Variants in ZNF649 observed in about 807,000 individuals in gnomAD.
ZNF649 encodes the protein zinc finger protein 649.
ZNF649 carries 7 observed loss-of-function variants against 14.1 expected under a neutral mutation model. The ratio of observed to expected loss-of-function variants is 0.49; its 90% CI spans 0.28 to 0.93. The LOEUF (loss-of-function observed/expected upper bound fraction) is 0.93, where lower values mean the gene tolerates loss of function less well. ZNF649 is among the 40% of genes least tolerant of loss of function. ZNF649 has a pLI of 0.10. For missense variants in ZNF649, 544 were observed against 608.1 expected (o/e 0.89, Z 1.11); for synonymous variants, 227 against 212.3 (o/e 1.07, Z -0.60).
At chr19:51,902,930 C>A (rs73934697) in intron 1 of ZNF649, among the ~76,000 whole-genome samples, 6,387 of 151,904 alleles carry the variant, frequency 0.042, 366 homozygotes, top group African/African-American at 0.13. Context: ...CCTACTAGAG[C>A]GATGTGAAAA....
rs112179801 is a variant in ZNF649 at position 51,894,974 on chromosome 19, A to G, written c.238+1498T>C. Among the ~76,000 whole-genome samples, 1,052 of 152,344 alleles carry G rather than the reference A, an allele frequency of 6.9e-3. 14 individuals are homozygous for G. Among genetic ancestry groups the G allele is most frequent in the African/African-American group, 0.024 (1,002 of 41,572 alleles). On this transcript the variant is annotated intron_variant, in intron 4 of 4. Transcript: ENST00000354957. ...AAGATCTAGCCTTTAAGAAATGCTT[A>G]ATAGATGGAAAAGTATGACCTCTCT...
intron 4 of ZNF649, among the ~76,000 whole-genome samples, chr19:51,892,598 G>A (rs62107509): frequency 9.9e-5 from 15 of 152,108 alleles, no homozygotes; most frequent in Non-Finnish European, 2.1e-4. Flanking sequence ...ATCCCAGAAA[G>A]GCAAGTTAGA....
chr19:51,897,791 T>C (rs1389558707), intron 2 of ZNF649, among the ~76,000 whole-genome samples: 5 of 152,162 alleles, frequency 3.3e-5, no homozygotes, highest in Non-Finnish European at 7.3e-5. Context: ...GTTTTCACAC[T>C]ATGTGTACTA....
At chr19:51,892,983 A>G (rs373027357) in intron 4 of ZNF649, among the ~76,000 whole-genome samples, 8 of 152,146 alleles carry the variant, frequency 5.3e-5, no homozygotes, top group African/African-American at 1.9e-4. Context: ...TGGGACAAGC[A>G]ATATTGAAAC....
chr19:51,901,124 C>T (rs1474015844), intron 1 of ZNF649, among the ~76,000 whole-genome samples: 2 of 152,120 alleles, frequency 1.3e-5, no homozygotes, highest in South Asian at 2.1e-4. Flanking sequence ...ATGCTATAGA[C>T]CAAGGAAGTT....
intron 4 of ZNF649, among the ~76,000 whole-genome samples, chr19:51,894,011 G>A (rs1358517330): frequency 6.6e-6 from 1 of 152,252 alleles, no homozygotes; most frequent in East Asian, 1.9e-4. Flanking sequence ...ATTCACAGCA[G>A]GAGCTGAACA....
rs2085018103 is a variant in ZNF649, at chr19:51,891,006, G to A, written c.1130C>T (p.Pro377Leu). 6.2e-7 allele frequency: 1 copy of A among 1,614,126 alleles called. No individual in the cohort carries two copies. The highest frequency in any genetic ancestry group is 1.3e-5 in the African/African-American group (1 of 75,024). Residue 377 changes from proline (P) to leucine (L), a missense_variant, in exon 5 of 5, where the codon CCT becomes CTT. Physicochemically the swap from Pro to Leu is moderately conservative, Grantham distance 98 (BLOSUM62 -3). Transcript: ENST00000354957. The surrounding 1 kb of genome is among the most constrained non-coding windows in gnomAD (Gnocchi z 4.2). ...CTGTGAACAGGGTTGCCCACATTCA[G>A]GACATACAAAGGGAGTCTTTCCTGT... Reference protein sequence around the residue: ...YHTGKTPFVCPECGQPCSQKS... With the variant: ...YHTGKTPFVCLECGQPCSQKS...
At chr19:51,903,024 C>T (rs953347182) in intron 1 of ZNF649, among the ~76,000 whole-genome samples, 1 of 151,734 alleles carries the variant, frequency 6.6e-6, no homozygotes, top group Non-Finnish European at 1.5e-5. Flanking sequence ...ATTCTCAGGG[C>T]AAATGGGAAA....
At position 51,890,156 on chromosome 19, in the gene ZNF649, GAA is replaced by G. The variant is rs1242332558; in HGVS notation, c.*460_*461del. 4 of 155,088 alleles carry G rather than the reference GAA, an allele frequency of 2.6e-5. No homozygotes were observed. Among genetic ancestry groups the G allele is most frequent in the Non-Finnish European group, 5.7e-5 (4 of 69,866 alleles). The allele number at this position is 155,088 out of a possible 1,614,324, so 9.6% of individuals were successfully genotyped here. The stretch of plus-strand genomic sequence containing the variant: ...GATTAATGACAGATTAAACACTGTG[GAA>G]AAAAGATTAGTGAACTGAAAGACAT... On this transcript the variant is annotated 3_prime_UTR_variant, in exon 5 of 5. Coordinates refer to ENST00000354957, the MANE Select transcript of ZNF649 (RefSeq NM_023074.4).
rs1225679549 is a variant in ZNF649 at position 51,889,704 on chromosome 19, A to G, written c.*914T>C. 6.6e-6 allele frequency: 1 copy of G among 152,254 alleles called. No individual in the cohort carries two copies. The highest frequency in any genetic ancestry group is 2.4e-5 in the African/African-American group (1 of 41,468). The allele number at this position is 152,254 out of a possible 1,614,324, so 9.4% of individuals were successfully genotyped here. A position where few individuals can be genotyped will look rare whatever the true frequency, so the allele number is the denominator to read the frequency against. On this transcript the variant is annotated 3_prime_UTR_variant, in exon 5 of 5. Transcript: ENST00000354957. ...AATATGCAATCCCTCACAATGATGT[A>G]TGCTATAAAATCTCAAGGAATCAAA... is the stretch of plus-strand genomic sequence containing the variant.
rs2085011544 is a variant in ZNF649 at position 51,890,485 on chromosome 19, T to C, written c.*133A>G. ...GGGAGGGGTAGTGAGGTTTATAAGA[T>C]ATAAAAAAGTAAAATATATTTCATA... On this transcript the variant is annotated 3_prime_UTR_variant, in exon 5 of 5. Transcript: ENST00000354957. 1.6e-6 allele frequency: 1 copy of C among 613,578 alleles called. No homozygotes were observed. The highest frequency in any genetic ancestry group is 2.8e-6 in the Non-Finnish European group (1 of 355,078). 38.0% of individuals were successfully genotyped at this position (613,578 alleles called of 1,614,324 possible). A position where few individuals can be genotyped will look rare whatever the true frequency, so the allele number is the denominator to read the frequency against.
At chr19:51,903,483 CCAGGAAA>C (rs2085106096) in intron 1 of ZNF649, among the ~76,000 whole-genome samples, 1 of 152,076 alleles carries the variant, frequency 6.6e-6, no homozygotes, top group East Asian at 1.9e-4. Context: ...GAGACATGTG[CCAGGAAA>C]CAGGACAAAG....
At chr19:51,902,980 G>T (rs977040831) in intron 1 of ZNF649, among the ~76,000 whole-genome samples, 9 of 152,182 alleles carry the variant, frequency 5.9e-5, no homozygotes, top group Non-Finnish European at 1.3e-4. Flanking sequence ...TTATCTCGGG[G>T]TAAATGCTCC....
Position 51,889,418 on chromosome 19 carries a change from C to G in ZNF649, c.*1200G>C, listed in dbSNP as rs1480189643. 2 of 152,186 alleles carry G rather than the reference C, an allele frequency of 1.3e-5. No individual in the cohort carries two copies. The highest frequency in any genetic ancestry group is 2.9e-5 in the Non-Finnish European group (2 of 68,040). The allele number at this position is 152,186 out of a possible 1,614,324, so 9.4% of individuals were successfully genotyped here. On this transcript the variant is annotated 3_prime_UTR_variant, in exon 5 of 5. Coordinates refer to ENST00000354957, the MANE Select transcript of ZNF649 (RefSeq NM_023074.4). Reference sequence around the variant, plus strand: ...GCTGAGGAGTCTCTAGAACTGGACTCTAAAACACAATCAAGGTGTTGGCAG... The same window carrying G: ...GCTGAGGAGTCTCTAGAACTGGACTGTAAAACACAATCAAGGTGTTGGCAG...
chr19:51,890,478 T>C lies in ZNF649; in HGVS notation c.*140A>G. 1 of 604,570 alleles carries C rather than the reference T, an allele frequency of 1.7e-6. No individual in the cohort carries two copies. The highest frequency in any genetic ancestry group is 2.8e-5 in the East Asian group (1 of 35,966). 37.5% of individuals were successfully genotyped at this position (604,570 alleles called of 1,614,324 possible). On this transcript the variant is annotated 3_prime_UTR_variant, in exon 5 of 5. Transcript: ENST00000354957. ...ATATTGTGGGAGGGGTAGTGAGGTT[T>C]ATAAGATATAAAAAAGTAAAATATA...
At position 51,891,908 on chromosome 19, in the gene ZNF649, GAAC is replaced by G; in HGVS notation, c.239-14_239-12del. The G allele has an allele frequency of 6.5e-7, 1 of 1,542,552 alleles. No individual in the cohort carries two copies. Among genetic ancestry groups the G allele is most frequent in the Non-Finnish European group, 8.7e-7 (1 of 1,152,418 alleles). ...CAGCTTTCTCAATTTCTAAGAGAGA[GAAC>G]AATAAATCCTTCCATGATCATCACA... On this transcript the variant is annotated splice_polypyrimidine_tract_variant and intron_variant, in intron 4 of 4. Coordinates refer to ENST00000354957, the MANE Select transcript of ZNF649 (RefSeq NM_023074.4). This position sits in a 1 kb window ranked among gnomAD's most constrained non-coding sequence, Gnocchi z 4.2.
intron 4 of ZNF649, among the ~76,000 whole-genome samples, chr19:51,895,761 A>G (rs2085058008): frequency 6.6e-6 from 1 of 151,672 alleles, no homozygotes; most frequent in African/African-American, 2.4e-5. Context: ...TATAAAGTAT[A>G]TATATAAATG....
Position 51,896,594 on chromosome 19 carries a change from T to C in ZNF649, c.143-27A>G, listed in dbSNP as rs1406059348. 7 of 1,610,240 alleles carry C rather than the reference T, an allele frequency of 4.3e-6. No individual in the cohort carries two copies. The Admixed American group carries it at 5.0e-5, about 11-fold the overall frequency. On this transcript the variant is annotated intron_variant, in intron 3 of 4. Coordinates refer to ENST00000354957, the MANE Select transcript of ZNF649 (RefSeq NM_023074.4). ...TGTTTGTGGGAAATGGGAGAAGACT[T>C]AGGCTCACTGAATTGCACCACGTGG...
chr19:51,896,126 A>G (rs1216488298), intron 4 of ZNF649: 2 of 236,954 alleles, frequency 8.4e-6, no homozygotes, highest in African/African-American at 4.6e-5. Context: ...TGACTATGTG[A>G]CAGAGAAAAA....
Sources: gnomAD v4.1 joint callset for allele counts (sites outside exome capture counted in the v4.1 genomes callset) on GRCh38, gnomAD v4.1.1 for gene constraint, Gnocchi (gnomAD v3.1) non-coding constraint, MANE v1.5 for transcripts, NCBI Gene and HGNC (gene_info 2026-07-23, HGNC 2026-07-21) for gene names.